The following LINGO2 variants were observed in gnomAD, a reference collection of about 807,000 sequenced individuals.
LINGO2 encodes the protein leucine rich repeat and Ig domain containing 2, also known as leucine-rich repeat and immunoglobulin-like domain-containing nogo receptor-interacting protein 2.
LINGO2 carries 14 observed loss-of-function variants against 30.6 expected under a neutral mutation model. That is an observed-to-expected ratio of 0.46 (90% CI 0.30 to 0.72). LINGO2 has a LOEUF of 0.72. LINGO2 is among the 30% of genes least tolerant of loss of function. LINGO2 has a pLI of 0.07. For synonymous variants in LINGO2, 317 were observed against 288.5 expected (o/e 1.10, Z -1.00); for missense variants, 729 against 751.7 (o/e 0.97, Z 0.35).
At chr9:28,435,397 G>C (rs1015357255) in intron 2 of LINGO2, among the ~76,000 whole-genome samples, 5 of 152,088 alleles carry the variant, frequency 3.3e-5, no homozygotes, top group African/African-American at 1.2e-4. Context: ...TTGTGGCCAA[G>C]AAAACTTCTA....
intron 4 of LINGO2, among the ~76,000 whole-genome samples, chr9:28,179,484 T>C: frequency 7.3e-6 from 1 of 137,862 alleles, no homozygotes; most frequent in South Asian, 2.2e-4. Context: ...ATATAGTTTA[T>C]AGTATATATA....
intron 5 of LINGO2, among the ~76,000 whole-genome samples, chr9:28,000,724 C>T (rs938816374): frequency 1.9e-4 from 29 of 152,234 alleles, no homozygotes; most frequent in African/African-American, 6.0e-4. Flanking sequence ...GGGCACTACC[C>T]GAAAGTTGAC....
intron 5 of LINGO2, among the ~76,000 whole-genome samples, chr9:27,958,851 T>G (rs1218948844): frequency 3.3e-5 from 5 of 152,138 alleles, no homozygotes; most frequent in African/African-American, 9.7e-5. Flanking sequence ...CTAAGAAGTT[T>G]GTATAGAATT....
intron 4 of LINGO2, among the ~76,000 whole-genome samples, chr9:28,226,603 A>C (rs184199346): frequency 6.0e-5 from 9 of 150,744 alleles, no homozygotes; most frequent in Non-Finnish European, 1.3e-4. Flanking sequence ...AAAGAAAGAA[A>C]GAAAAAGGTA....
At chr9:28,089,829 A>G (rs1323895351) in intron 4 of LINGO2, among the ~76,000 whole-genome samples, 1 of 152,170 alleles carries the variant, frequency 6.6e-6, no homozygotes, top group Non-Finnish European at 1.5e-5. Context: ...CAGACTAATA[A>G]AAAGAAAAGA....
At chr9:28,514,684 T>G (rs1478198175) in intron 1 of LINGO2, among the ~76,000 whole-genome samples, 1 of 152,066 alleles carries the variant, frequency 6.6e-6, no homozygotes, top group Non-Finnish European at 1.5e-5. Flanking sequence ...GCCATCTATG[T>G]AACGTAAAAG....
the LINGO2 span, among the ~76,000 whole-genome samples, chr9:29,204,909 T>C: frequency 1.3e-5 from 2 of 152,200 alleles, no homozygotes; most frequent in African/African-American, 4.8e-5. Flanking sequence ...TGTTTCACCA[T>C]TAAGTATGAT....
At chr9:28,104,886 A>G (rs1358963564) in intron 4 of LINGO2, among the ~76,000 whole-genome samples, 1 of 151,320 alleles carries the variant, frequency 6.6e-6, no homozygotes, top group Non-Finnish European at 1.5e-5. Flanking sequence ...TATAAGGTAG[A>G]ATCCGGCCCC....
chr9:29,051,510 T>C, the LINGO2 span, among the ~76,000 whole-genome samples: 5 of 152,178 alleles, frequency 3.3e-5, no homozygotes, highest in Non-Finnish European at 7.4e-5. Context: ...CTACTTCTTA[T>C]GACATGGACT....
chr9:28,622,715 A>C lies in LINGO2; in HGVS notation c.-365+47485T>G, dbSNP rs1490441239. 1.2e-4 allele frequency among the ~76,000 whole-genome samples: 18 copies of C among 148,078 alleles called. No individual in the cohort carries two copies. The Admixed American group carries it at 1.2e-3, about 10-fold the overall frequency. ...TCCTTTCTTTTGGGATTGCTGGATC[A>C]TATGGCAGCTCTATTTTTTTTTTTT... On this transcript the variant is annotated intron_variant, in intron 1 of 5. Coordinates refer to ENST00000379992, the Ensembl canonical transcript of LINGO2.
intron 1 of LINGO2, among the ~76,000 whole-genome samples, chr9:28,669,033 T>C (rs927960431): frequency 1.3e-5 from 2 of 152,118 alleles, no homozygotes; most frequent in South Asian, 2.1e-4. Flanking sequence ...CAATATTGTG[T>C]ATTTTGTACC....
chr9:28,306,677 G>A (rs568266798), intron 3 of LINGO2, among the ~76,000 whole-genome samples: 15 of 152,134 alleles, frequency 9.9e-5, no homozygotes, highest in African/African-American at 2.4e-4. Context: ...TTGATAGACC[G>A]CTAGCAAGAC....
At chr9:29,198,610 G>A in the LINGO2 span, among the ~76,000 whole-genome samples, 2 of 152,102 alleles carry the variant, frequency 1.3e-5, no homozygotes, top group African/African-American at 2.4e-5. Context: ...CATAGTTTGT[G>A]TCATTCCGTA....
the LINGO2 span, among the ~76,000 whole-genome samples, chr9:29,063,615 G>T: frequency 1.3e-5 from 2 of 151,860 alleles, no homozygotes; most frequent in Non-Finnish European, 2.9e-5. Context: ...GGCCAGGCTG[G>T]TCTCGAATAT....
the LINGO2 span, among the ~76,000 whole-genome samples, chr9:28,898,220 T>G: frequency 1.3e-5 from 2 of 152,200 alleles, no homozygotes; most frequent in Admixed American, 6.5e-5. Context: ...TCAAACGTGA[T>G]TGATAAGACA....
intron 1 of LINGO2, among the ~76,000 whole-genome samples, chr9:28,510,875 G>A (rs186930646): frequency 8.3e-4 from 127 of 152,196 alleles, no homozygotes; most frequent in Non-Finnish European, 1.2e-3. Flanking sequence ...CAAAGAGAAC[G>A]AGTCCAAGTC....
chr9:28,098,815 G>C (rs1826325432), intron 4 of LINGO2, among the ~76,000 whole-genome samples: 1 of 152,162 alleles, frequency 6.6e-6, no homozygotes, highest in Non-Finnish European at 1.5e-5. Context: ...TGTCTTGACA[G>C]GGGTCCACAG....
the LINGO2 span, among the ~76,000 whole-genome samples, chr9:28,717,126 G>A: frequency 6.6e-6 from 1 of 151,846 alleles, no homozygotes; most frequent in Non-Finnish European, 1.5e-5. Context: ...GTTCACAGAG[G>A]TATCCAAGAA....
intron 5 of LINGO2, among the ~76,000 whole-genome samples, chr9:28,004,773 AAG>A (rs1385776685): frequency 2.0e-5 from 3 of 152,308 alleles, no homozygotes; most frequent in South Asian, 2.1e-4. Context: ...CAGAATGAGA[AAG>A]AGACACCAAA....
Sources: gnomAD v4.1 joint callset for allele counts (sites outside exome capture counted in the v4.1 genomes callset) on GRCh38, gnomAD v4.1.1 for gene constraint, MANE v1.5 for transcripts, NCBI Gene and HGNC (gene_info 2026-07-23, HGNC 2026-07-21) for gene names.